Variants in ALS2 observed in about 807,000 individuals in gnomAD.
The protein encoded by ALS2 is alsin Rho guanine nucleotide exchange factor ALS2.
A neutral mutation model predicts 203.4 loss-of-function variants in ALS2; 117 were observed. The ratio of observed to expected loss-of-function variants is 0.58; its 90% CI spans 0.50 to 0.67. The LOEUF (loss-of-function observed/expected upper bound fraction) is 0.67, where lower values mean the gene tolerates loss of function less well. ALS2 is among the 30% of genes least tolerant of loss of function. The pLI is 0.00. For synonymous variants in ALS2, 718 were observed against 725.9 expected (o/e 0.99, Z 0.17); for missense variants, 1,715 against 1,989.4 (o/e 0.86, Z 2.62).
intron 33 of ALS2, among the ~76,000 whole-genome samples, chr2:201,702,300 C>T (rs990162079): frequency 6.6e-6 from 1 of 151,870 alleles, no homozygotes; most frequent in Non-Finnish European, 1.5e-5. Context: ...CCTGGGGAGT[C>T]ATAACTTCCA....
Position 201,723,134 on chromosome 2 carries a change from C to A in ALS2, c.3625-14G>T. The A allele has an allele frequency of 6.2e-7, 1 of 1,603,244 alleles. No homozygotes were observed. The highest frequency in any genetic ancestry group is 8.5e-7 in the Non-Finnish European group (1 of 1,170,402). On this transcript the variant is annotated splice_polypyrimidine_tract_variant and intron_variant, in intron 22 of 33. Transcript: ENST00000264276. The stretch of plus-strand genomic sequence containing the variant: ...AACCCCATTTCCCTACAAGAAGAAA[C>A]AAGAGAAAAATTACAACACATAAAA...
intron 1 of ALS2, among the ~76,000 whole-genome samples, chr2:201,775,473 C>T (rs1014291211): frequency 5.9e-5 from 9 of 152,184 alleles, no homozygotes; most frequent in Non-Finnish European, 1.0e-4. Flanking sequence ...AAATAATTTG[C>T]TTTTAGAGGC....
intron 2 of ALS2, 116 bp downstream of exon 2, chr2:201,768,750 T>C: frequency 1.0e-6 from 1 of 999,870 alleles, no homozygotes; most frequent in South Asian, 1.5e-5. Context: ...CAAATGTCAC[T>C]ATTCCCACTT....
rs530434499 is a variant in ALS2, at chr2:201,722,867, A to T, written c.3702+176T>A. ...AGAAGGGATTTTCTTGGGCGATGGA[A>T]ATGTTCTGAAACTGGATTGTGGTGG... is the stretch of plus-strand genomic sequence containing the variant. On this transcript the variant is annotated intron_variant, in intron 23 of 33. Transcript: ENST00000264276. The T allele has an allele frequency of 2.2e-4, 130 of 601,294 alleles. No homozygotes were observed. The South Asian group carries it at 2.8e-3, about 13-fold the overall frequency. The allele number at this position is 601,294 out of a possible 1,614,324, so 37.2% of individuals were successfully genotyped here. A position where few individuals can be genotyped will look rare whatever the true frequency, so the allele number is the denominator to read the frequency against.
intron 13 of ALS2, among the ~76,000 whole-genome samples, chr2:201,730,303 T>C (rs1691476184): frequency 6.6e-6 from 1 of 152,154 alleles, no homozygotes; most frequent in African/African-American, 2.4e-5. Flanking sequence ...TGATTGTGGA[T>C]TGGACATATG....
At chr2:201,778,167 C>T (rs572650535) in intron 1 of ALS2, among the ~76,000 whole-genome samples, 21 of 152,028 alleles carry the variant, frequency 1.4e-4, no homozygotes, top group Admixed American at 3.9e-4. Context: ...GATAGGGAGG[C>T]CATGTGAACT....
Position 201,740,752 on chromosome 2 carries a change from A to C in ALS2, c.2351+922T>G, listed in dbSNP as rs953178433. 1.8e-4 allele frequency among the ~76,000 whole-genome samples: 28 copies of C among 152,246 alleles called. 2 individuals carry two copies. Among genetic ancestry groups the C allele is most frequent in the Admixed American group, 1.8e-3 (28 of 15,284 alleles). On this transcript the variant is annotated intron_variant, in intron 11 of 33. Coordinates refer to ENST00000264276, the MANE Select transcript of ALS2 (RefSeq NM_020919.4). ...AAGGAAATACACTAAGATGATAAAC[A>C]GTGGTTAGTTCTGGTGGTAGGATTA...
intron 13 of ALS2, 96 bp from the exon 14 acceptor site, chr2:201,729,279 A>G: frequency 7.2e-7 from 1 of 1,381,866 alleles, no homozygotes; most frequent in Non-Finnish European, 9.9e-7. Flanking sequence ...TATAGTATTA[A>G]ATGTAGGAGA....
chr2:201,740,056 G>A lies in ALS2; in HGVS notation c.2352-1321C>T, dbSNP rs1008653237. Among the ~76,000 whole-genome samples, 28 of 152,094 alleles carry A rather than the reference G, an allele frequency of 1.8e-4. 1 individual carries two copies. The highest frequency in any genetic ancestry group is 6.5e-4 in the African/African-American group (27 of 41,402). ...AAAAATAATTTTCGCCAGGCACAGTGGCTCACACTTGCAATCCTAGCACTT... is the reference window on the plus strand; with the variant it reads ...AAAAATAATTTTCGCCAGGCACAGTAGCTCACACTTGCAATCCTAGCACTT... On this transcript the variant is annotated intron_variant, in intron 11 of 33. Transcript: ENST00000264276.
At position 201,701,609 on chromosome 2, in the gene ALS2, A is replaced by C. The variant is rs1689391983; in HGVS notation, c.*242T>G. ...TAGATAAATGGTATTTTTGGAACTT[A>C]TCATAGGCCAAGAACTGGTCTAATC... On this transcript the variant is annotated 3_prime_UTR_variant, in exon 34 of 34. Transcript: ENST00000264276. The C allele has an allele frequency of 2.2e-6, 1 of 457,416 alleles. No homozygotes were observed. Among genetic ancestry groups the C allele is most frequent in the Admixed American group, 3.6e-5 (1 of 27,620 alleles). 28.3% of individuals were successfully genotyped at this position (457,416 alleles called of 1,614,324 possible).
chr2:201,722,659 C>T, intron 23 of ALS2: 1 of 186,768 alleles, frequency 5.4e-6, no homozygotes, highest in South Asian at 1.2e-4. Context: ...GGAACAAATA[C>T]TATACATGCC....
In ALS2 at chr2:201,711,076, G is replaced by C. The variant is rs1232828907; in HGVS notation, c.4037C>G (p.Thr1346Arg). 4 of 1,611,066 alleles carry C rather than the reference G, an allele frequency of 2.5e-6. No homozygotes were observed. In the African/African-American group the frequency reaches 5.3e-5, roughly 22 times the overall value. Residue 1346 changes from threonine (T) to arginine (R), a missense_variant, in exon 26 of 34, where the codon ACA becomes AGA. Physicochemically the swap from Thr to Arg is moderately conservative, Grantham distance 71 (BLOSUM62 -1). Transcript: ENST00000264276. ...PEILSRSQTQ[T>R]LESLEFIPQH... ...TGGAATGAATTCCAAACTCTCTAGT[G>C]TCTGAGTCTGTGAACGACTCAGTAT...
chr2:201,717,708 C>T (rs1333347374), intron 24 of ALS2, among the ~76,000 whole-genome samples: 1 of 151,492 alleles, frequency 6.6e-6, no homozygotes, highest in Admixed American at 6.6e-5. Flanking sequence ...CTTTGGGAGG[C>T]TGAGGCAGGA....
chr2:201,768,805 A>T, intron 2 of ALS2, 61 bp downstream of exon 2: 3 of 1,497,826 alleles, frequency 2.0e-6, no homozygotes, highest in Non-Finnish European at 2.8e-6. Flanking sequence ...AGCTACACAT[A>T]TGTGAAGCTG....
rs554511649 is a variant in ALS2, at chr2:201,742,651, T to G, written c.2171-797A>C. On this transcript the variant is annotated intron_variant, in intron 10 of 33. Coordinates refer to ENST00000264276, the MANE Select transcript of ALS2 (RefSeq NM_020919.4). ...GGAGGGGAATTTATAGAACAGAGAC[T>G]CCACAACACTTAAAAGGCAGAAGGT... Among the ~76,000 whole-genome samples, 7 of 152,226 alleles carry G rather than the reference T, an allele frequency of 4.6e-5. No individual in the cohort carries two copies. In the East Asian group the frequency reaches 1.4e-3, roughly 29 times the overall value.
chr2:201,742,939 T>C (rs1197874951), intron 10 of ALS2, among the ~76,000 whole-genome samples: 3 of 151,750 alleles, frequency 2.0e-5, no homozygotes, highest in African/African-American at 7.3e-5. Context: ...GGAGTGGTAG[T>C]GCACACCTGT....
chr2:201,730,121 T>C (rs1220593770), intron 13 of ALS2, among the ~76,000 whole-genome samples: 1 of 152,206 alleles, frequency 6.6e-6, no homozygotes, highest in Admixed American at 6.5e-5. Flanking sequence ...AATGTGGATA[T>C]TCTCCTTTGA....
At chr2:201,711,959 G>A (rs1449670136) in intron 25 of ALS2, among the ~76,000 whole-genome samples, 1 of 152,078 alleles carries the variant, frequency 6.6e-6, no homozygotes, top group African/African-American at 2.4e-5. Context: ...CACGCACAAG[G>A]GGCAGTCAAT....
At chr2:201,746,818 C>T (rs1692693847) in intron 8 of ALS2, 70 bp from the exon 9 acceptor site, 3 of 1,570,840 alleles carry the variant, frequency 1.9e-6, no homozygotes, top group South Asian at 1.1e-5. Context: ...TCCACAGGAA[C>T]TGAAACGTTA....
Sources: allele counts gnomAD v4.1 joint callset (sites outside exome capture counted in the v4.1 genomes callset), GRCh38; gene constraint gnomAD v4.1.1; transcripts MANE v1.5; gene names NCBI Gene and HGNC (gene_info 2026-07-23, HGNC 2026-07-21).